The following MCPH1 variants were observed in gnomAD, a reference collection of about 807,000 sequenced individuals.
The protein encoded by MCPH1 is microcephalin.
A neutral mutation model predicts 84.5 loss-of-function variants in MCPH1; 104 were observed. The observed-to-expected ratio is 1.23, with a 90% CI of 1.05 to 1.45. The LOEUF is 1.45. Ranked by LOEUF, MCPH1 falls within the 40% of genes most tolerant of loss-of-function variation. The pLI, the probability that MCPH1 is intolerant of heterozygous loss-of-function variation, is 0.00. For missense variants in MCPH1, 1,498 were observed against 1,005.7 expected (o/e 1.49, Z -6.62); for synonymous variants, 514 against 366.8 (o/e 1.40, Z -4.58).
chr8:6,629,152 T>G (rs1047605169), intron 13 of MCPH1, among the ~76,000 whole-genome samples: 1 of 152,220 alleles, frequency 6.6e-6, no homozygotes, highest in African/African-American at 2.4e-5. Flanking sequence ...TAATCCAATA[T>G]GACTGGTGTC....
At chr8:6,559,197 A>G (rs1825122181) in intron 12 of MCPH1, among the ~76,000 whole-genome samples, 1 of 150,490 alleles carries the variant, frequency 6.6e-6, no homozygotes, top group African/African-American at 2.4e-5. Flanking sequence ...GTTTTAATAT[A>G]CAGCTATTGA....
chr8:6,607,740 A>G (rs1375642563), intron 12 of MCPH1, among the ~76,000 whole-genome samples: 1 of 152,020 alleles, frequency 6.6e-6, no homozygotes, highest in Non-Finnish European at 1.5e-5. Flanking sequence ...CTTGCTTCCC[A>G]TTTTTCTCTC....
intron 13 of MCPH1, among the ~76,000 whole-genome samples, chr8:6,633,892 G>A (rs1797345022): frequency 6.6e-6 from 1 of 152,168 alleles, no homozygotes; most frequent in South Asian, 2.1e-4. Flanking sequence ...ATCAGAAAAA[G>A]AGGAATAATT....
intron 11 of MCPH1, among the ~76,000 whole-genome samples, chr8:6,485,617 C>G (rs1423902910): frequency 6.6e-6 from 1 of 152,070 alleles, no homozygotes; most frequent in Non-Finnish European, 1.5e-5. Context: ...TCATTCATGG[C>G]AAAACGTCAC....
intron 12 of MCPH1, among the ~76,000 whole-genome samples, chr8:6,557,193 C>T (rs1287928501): frequency 2.0e-5 from 3 of 152,174 alleles, no homozygotes; most frequent in South Asian, 2.1e-4. Flanking sequence ...AGGGGATATG[C>T]GTGCTTTCCC....
In MCPH1 at chr8:6,495,253, A is replaced by C. The variant is rs551456308; in HGVS notation, c.2137-4599A>C. Among the ~76,000 whole-genome samples, 5 of 152,322 alleles carry C rather than the reference A, an allele frequency of 3.3e-5. No individual in the cohort carries two copies. The South Asian group carries it at 1.0e-3, about 32-fold the overall frequency. On this transcript the variant is annotated intron_variant, in intron 11 of 13. Transcript: ENST00000344683. ...AACCTAGAAATAACTTCATTGCTACACTATTTCATTAACTACATGGGTGCT... is the reference window on the plus strand; with the variant it reads ...AACCTAGAAATAACTTCATTGCTACCCTATTTCATTAACTACATGGGTGCT...
At chr8:6,624,579 G>A (rs1393369699) in intron 13 of MCPH1, among the ~76,000 whole-genome samples, 1 of 152,162 alleles carries the variant, frequency 6.6e-6, no homozygotes, top group South Asian at 2.1e-4. Flanking sequence ...TCTAGTAGCT[G>A]CAGCTATGTA....
At chr8:6,544,089 C>G (rs980626740) in intron 12 of MCPH1, among the ~76,000 whole-genome samples, 46 of 152,344 alleles carry the variant, frequency 3.0e-4, no homozygotes, top group African/African-American at 1.1e-3. Flanking sequence ...TGTGGCAAGA[C>G]AGAGAATAGT....
chr8:6,621,652 A>T lies in MCPH1; in HGVS notation c.2413A>T (p.Lys805Ter). Residue 805 changes from lysine to a stop codon, truncating the protein, a stop_gained, in exon 13 of 14, where the codon AAA (lysine) becomes TAA (stop). Coordinates refer to ENST00000344683, the MANE Select transcript of MCPH1 (RefSeq NM_024596.5). LOFTEE classifies it high-confidence loss of function. ...IVIGPYSGKKKATVKYLSEKW... is the reference protein window; with the variant it reads ...IVIGPYSGKK Reference sequence around the variant, plus strand: ...CATCGGGCCCTACAGCGGAAAGAAGAAAGCCACAGTCAAGTATCTGTCTGA... The same window carrying T: ...CATCGGGCCCTACAGCGGAAAGAAGTAAGCCACAGTCAAGTATCTGTCTGA... 6.2e-7 allele frequency: 1 copy of T among 1,614,234 alleles called. No homozygotes were observed. Among genetic ancestry groups the T allele is most frequent in the Non-Finnish European group, 8.5e-7 (1 of 1,180,042 alleles).
At chr8:6,637,013 AAT>A (rs1257020949) in intron 13 of MCPH1, among the ~76,000 whole-genome samples, 8 of 152,228 alleles carry the variant, frequency 5.3e-5, no homozygotes, top group Non-Finnish European at 1.0e-4. Flanking sequence ...TCTCCAGTCA[AAT>A]ATCAGAGCAG....
chr8:6,583,049 CTG>C, intron 12 of MCPH1, among the ~76,000 whole-genome samples: 1 of 152,238 alleles, frequency 6.6e-6, no homozygotes, highest in Non-Finnish European at 1.5e-5. Flanking sequence ...ACATGTGGTC[CTG>C]TTCTATAGTC....
At chr8:6,636,501 A>G (rs1197904591) in intron 13 of MCPH1, among the ~76,000 whole-genome samples, 1 of 152,088 alleles carries the variant, frequency 6.6e-6, no homozygotes, top group East Asian at 1.9e-4. Context: ...ATTTTTTGAA[A>G]CAGAGTTTGG....
chr8:6,589,689 A>G (rs753383845), intron 12 of MCPH1, among the ~76,000 whole-genome samples: 1 of 152,230 alleles, frequency 6.6e-6, no homozygotes, highest in African/African-American at 2.4e-5. Flanking sequence ...TGGTCAGCCA[A>G]AAGTTTTCTG....
At chr8:6,430,289 C>A (rs1215526088) in intron 3 of MCPH1, among the ~76,000 whole-genome samples, 3 of 152,212 alleles carry the variant, frequency 2.0e-5, no homozygotes, top group Non-Finnish European at 2.9e-5. Context: ...AGACAGTTGC[C>A]TTCTCATATC....
At chr8:6,464,663 C>T (rs1271864990) in intron 9 of MCPH1, among the ~76,000 whole-genome samples, 1 of 152,220 alleles carries the variant, frequency 6.6e-6, no homozygotes, top group African/African-American at 2.4e-5. Flanking sequence ...GGGAGACCCA[C>T]AGGCGCTAAG....
chr8:6,425,235 T>A (rs1585674677), intron 3 of MCPH1, among the ~76,000 whole-genome samples: 1 of 152,206 alleles, frequency 6.6e-6, no homozygotes, highest in Non-Finnish European at 1.5e-5. Context: ...CAGCAGCAGG[T>A]CAAATAGTTG....
chr8:6,639,223 G>A (rs1447109693), intron 13 of MCPH1, among the ~76,000 whole-genome samples: 1 of 152,178 alleles, frequency 6.6e-6, no homozygotes, highest in Non-Finnish European at 1.5e-5. Flanking sequence ...GTAGATGGGT[G>A]GATGGAGTGA....
intron 12 of MCPH1, among the ~76,000 whole-genome samples, chr8:6,579,781 G>T (rs139202018): frequency 1.3e-5 from 2 of 152,282 alleles, no homozygotes; most frequent in Non-Finnish European, 2.9e-5. Flanking sequence ...CACAGGAGGG[G>T]TTCTTAGTTA....
intron 6 of MCPH1, among the ~76,000 whole-genome samples, 170 bp from the exon 7 acceptor site, chr8:6,441,897 T>C (rs770438452): frequency 1.3e-5 from 2 of 152,222 alleles, no homozygotes; most frequent in Non-Finnish European, 2.9e-5. Context: ...CACTTAATTC[T>C]GTTGAGCTTC....
Sources: gnomAD v4.1 joint callset for allele counts (sites outside exome capture counted in the v4.1 genomes callset) on GRCh38, gnomAD v4.1.1 for gene constraint, MANE v1.5 for transcripts, NCBI Gene and HGNC (gene_info 2026-07-23, HGNC 2026-07-21) for gene names.